The following NGB variants were observed in gnomAD, a reference collection of about 807,000 sequenced individuals.
NGB encodes the protein neuroglobin.
NGB carries 12 observed loss-of-function variants against 17.3 expected under a neutral mutation model. The ratio of observed to expected loss-of-function variants is 0.69; its 90% CI spans 0.45 to 1.13. The LOEUF is 1.13. NGB is among the 50% of genes most tolerant of loss of function. The pLI, the probability that NGB is intolerant of heterozygous loss-of-function variation, is 0.00. For synonymous variants in NGB, 87 were observed against 81.0 expected, an observed-to-expected ratio of 1.07 and a Z score of -0.40; for missense variants, 195 against 191.7, an observed-to-expected ratio of 1.02 and a Z score of -0.10.
chr14:77,268,380 A>C, intron 3 of NGB, 86 bp downstream of exon 3: 2 of 1,419,074 alleles, frequency 1.4e-6, no homozygotes, highest in Non-Finnish European at 1.9e-6. Context: ...GGAATGGGAG[A>C]GAGAACAGGT....
At chr14:77,270,090 G>T (rs1889749307) in intron 1 of NGB, among the ~76,000 whole-genome samples, 1 of 152,018 alleles carries the variant, frequency 6.6e-6, no homozygotes, top group Non-Finnish European at 1.5e-5. Flanking sequence ...TTCCCCTTTT[G>T]TCTTGGGGGT....
In NGB at chr14:77,270,837, T is replaced by A. The variant is rs1375627435; in HGVS notation, c.89+12A>T. The A allele has an allele frequency of 1.3e-6, 2 of 1,567,346 alleles. No homozygotes were observed. The highest frequency in any genetic ancestry group is 1.7e-6 in the Non-Finnish European group (2 of 1,161,850). On this transcript the variant is annotated intron_variant, in intron 1 of 3. Transcript: ENST00000298352. ...CTCCACCCGCATCCCCGGGCGCTCG[T>A]GTAGCCCTCACCTGGCAAACAGGAC...
Position 77,270,887 on chromosome 14 carries a change from G to A in NGB, c.51C>T (p.Ser17=). 1 of 1,585,408 alleles carries A rather than the reference G, an allele frequency of 6.3e-7. No individual in the cohort carries two copies. The highest frequency in any genetic ancestry group is 1.7e-4 in the Middle Eastern group (1 of 5,934). ...CGGTGCCGTGCTCCAGCGGGCTGCG[G>A]CTCACTGCCCGCCAGCTCTGCCGGA... The part of the protein sequence containing the change: ...ELIRQSWRAV[S]RSPLEHGTVL... The change falls in exon 1 of 4, where the codon AGC becomes AGT. Residue 17 remains serine, a synonymous_variant. Coordinates refer to ENST00000298352, the MANE Select transcript of NGB (RefSeq NM_021257.4).
intron 1 of NGB, among the ~76,000 whole-genome samples, chr14:77,270,636 C>A (rs1889760811): frequency 6.6e-6 from 1 of 152,212 alleles, no homozygotes; most frequent in African/African-American, 2.4e-5. Flanking sequence ...TGGTGTGCGG[C>A]GCTGGTTGGC....
rs747079225 is a variant in NGB at position 77,266,189 on chromosome 14, A to C, written c.*347T>G. ...ACTCACCTGAAGAAGCAGGACAGAC[A>C]GAAGAGCCCCATCCTCTCCCACCTC... is the stretch of plus-strand genomic sequence containing the variant. On this transcript the variant is annotated 3_prime_UTR_variant, in exon 4 of 4. Transcript: ENST00000298352. 8.9e-6 allele frequency: 5 copies of C among 562,196 alleles called. No homozygotes were observed. The highest frequency in any genetic ancestry group is 1.8e-5 in the Non-Finnish European group (5 of 280,568). The allele number at this position is 562,196 out of a possible 1,614,324, so 34.8% of individuals were successfully genotyped here.
chr14:77,268,625 G>T, intron 2 of NGB, 40 bp from the exon 3 acceptor site: 1 of 1,611,986 alleles, frequency 6.2e-7, no homozygotes, highest in Non-Finnish European at 8.5e-7. Flanking sequence ...AGAGGCCAGA[G>T]CAGCCCCATC....
intron 1 of NGB, 108 bp from the exon 2 acceptor site, chr14:77,269,434 G>T: frequency 1.5e-6 from 1 of 684,970 alleles, no homozygotes; most frequent in Non-Finnish European, 2.6e-6. Flanking sequence ...CCAGGTCTCA[G>T]CTGCAAACCA....
In NGB at chr14:77,269,106, T is replaced by G. The variant is rs1889713959; in HGVS notation, c.201+109A>C. On this transcript the variant is annotated intron_variant, in intron 2 of 3. Coordinates refer to ENST00000298352, the MANE Select transcript of NGB (RefSeq NM_021257.4). ...GGAGCTGTACCCTGCTTGGGGGAACTGGAAGGGAGTAAGACTAGACCTGGG... is the reference window on the plus strand; with the variant it reads ...GGAGCTGTACCCTGCTTGGGGGAACGGGAAGGGAGTAAGACTAGACCTGGG... 3 of 700,334 alleles carry G rather than the reference T, an allele frequency of 4.3e-6. No individual in the cohort carries two copies. The African/African-American group carries it at 5.3e-5, about 12-fold the overall frequency. The allele number at this position is 700,334 out of a possible 1,614,324, so 43.4% of individuals were successfully genotyped here.
intron 3 of NGB, 145 bp from the exon 4 acceptor site, chr14:77,266,815 G>A: frequency 1.2e-6 from 1 of 833,962 alleles, no homozygotes; most frequent in South Asian, 1.9e-5. Context: ...TCCTGAGCAG[G>A]GTCCTACCCA....
chr14:77,271,053 C>G lies in NGB; in HGVS notation c.-116G>C. On this transcript the variant is annotated 5_prime_UTR_variant, in exon 1 of 4. Coordinates refer to ENST00000298352, the MANE Select transcript of NGB (RefSeq NM_021257.4). Reference sequence around the variant, plus strand: ...TCCCCTCCGCCCCTCGTACGCCCCCCGTGCCTCCGCCCGGCGGGGGCCGCA... The same window carrying G: ...TCCCCTCCGCCCCTCGTACGCCCCCGGTGCCTCCGCCCGGCGGGGGCCGCA... 2 of 710,996 alleles carry G rather than the reference C, an allele frequency of 2.8e-6. No individual in the cohort carries two copies. Among genetic ancestry groups the G allele is most frequent in the Non-Finnish European group, 4.2e-6 (2 of 471,834 alleles). The allele number at this position is 710,996 out of a possible 1,614,324, so 44.0% of individuals were successfully genotyped here.
At chr14:77,269,715 T>C (rs868047412) in intron 1 of NGB, among the ~76,000 whole-genome samples, 26 of 2,140 alleles carry the variant, frequency 0.012, no homozygotes, top group East Asian at 0.034. Flanking sequence ...TCTCTCTCTC[T>C]CTCTCTCTCT....
chr14:77,266,744 G>A, intron 3 of NGB, 74 bp from the exon 4 acceptor site: 1 of 1,560,488 alleles, frequency 6.4e-7, no homozygotes, highest in Non-Finnish European at 8.7e-7. Flanking sequence ...TGAGAAAACT[G>A]AGGCCTAGGA....
chr14:77,268,167 T>C (rs942326807), intron 3 of NGB, among the ~76,000 whole-genome samples: 4 of 152,052 alleles, frequency 2.6e-5, no homozygotes, highest in African/African-American at 4.8e-5. Context: ...TCGGAAAGCA[T>C]TGTCATAGTT....
chr14:77,270,310 C>T (rs539814758), intron 1 of NGB, among the ~76,000 whole-genome samples: 2 of 152,296 alleles, frequency 1.3e-5, no homozygotes, highest in East Asian at 1.9e-4. Context: ...TCTGTCACCC[C>T]TTCCCCGGCT....
intron 1 of NGB, 39 bp downstream of exon 1, chr14:77,270,810 G>A (rs1842095689): frequency 6.0e-6 from 9 of 1,496,728 alleles, no homozygotes; most frequent in Non-Finnish European, 7.2e-6. Flanking sequence ...CGCCGAGGCA[G>A]CCTCCACCCG....
At chr14:77,268,114 T>C (rs28988621) in intron 3 of NGB, among the ~76,000 whole-genome samples, 5 of 152,096 alleles carry the variant, frequency 3.3e-5, no homozygotes, top group Admixed American at 1.3e-4. Context: ...AGCTACACCA[T>C]GTGGAGCAGA....
Position 77,269,279 on chromosome 14 carries a change from C to G in NGB, c.137G>C (p.Cys46Ser). ...GTCCTCTGGGCTGGAGAACTGGCGG[C>G]AGTTGTACTGGAAGAGGGGCAGCAG... The part of the protein sequence containing the change: ...PDLLPLFQYN[C>S]RQFSSPEDCL... Residue 46 changes from cysteine to serine, a missense_variant, in exon 2 of 4, where the codon TGC (cysteine) becomes TCC (serine). Cys to Ser is a moderately radical substitution (Grantham distance 112). Transcript: ENST00000298352. The G allele has an allele frequency of 6.4e-7, 1 of 1,551,860 alleles. No individual in the cohort carries two copies. Among genetic ancestry groups the G allele is most frequent in the Non-Finnish European group, 8.7e-7 (1 of 1,146,994 alleles).
Position 77,268,677 on chromosome 14 carries a change from G to A in NGB, c.202-92C>T, listed in dbSNP as rs1032218818. ...CCAAGGCATGAGGGTCCCAAAGCAA[G>A]AGAGGCCAGTAGGACCCTCAGTTCT... On this transcript the variant is annotated intron_variant, in intron 2 of 3. Transcript: ENST00000298352. 6 of 1,543,290 alleles carry A rather than the reference G, an allele frequency of 3.9e-6. No homozygotes were observed. The African/African-American group carries it at 8.2e-5, about 21-fold the overall frequency.
intron 3 of NGB, among the ~76,000 whole-genome samples, chr14:77,266,917 AC>A (rs916959002): frequency 6.6e-6 from 1 of 152,036 alleles, no homozygotes; most frequent in African/African-American, 2.4e-5. Flanking sequence ...TCTTGCAACC[AC>A]CCCATGAGTG....
Sources: allele counts gnomAD v4.1 joint callset (sites outside exome capture counted in the v4.1 genomes callset), GRCh38; gene constraint gnomAD v4.1.1; transcripts MANE v1.5; gene names NCBI Gene and HGNC (gene_info 2026-07-23, HGNC 2026-07-21).